SLC16A2: variants seen among roughly 807,000 people sequenced by gnomAD.
SLC16A2 encodes monocarboxylate transporter 8.
A neutral mutation model predicts 27.2 loss-of-function variants in SLC16A2; 3 were observed. The ratio of observed to expected loss-of-function variants is 0.11; its 90% CI spans 0.05 to 0.28. The LOEUF is 0.28. SLC16A2 is among the 10% of genes least tolerant of loss of function. The pLI, the probability that SLC16A2 is intolerant of heterozygous loss-of-function variation, is 1.00. For missense variants in SLC16A2, 295 were observed against 458.5 expected, an observed-to-expected ratio of 0.64 and a Z score of 3.26; for synonymous variants, 202 against 187.8, an observed-to-expected ratio of 1.08 and a Z score of -0.62.
At chrX:74,452,656 A>G (rs1056476201) in intron 1 of SLC16A2, among the ~76,000 whole-genome samples, 3 of 111,463 alleles carry the variant, frequency 2.7e-5, no homozygotes, top group African/African-American at 9.8e-5. Flanking sequence ...TATGTGATGT[A>G]TACATATACA....
intron 1 of SLC16A2, among the ~76,000 whole-genome samples, chrX:74,500,841 T>C (rs1174251826): frequency 1.8e-5 from 2 of 111,027 alleles, no homozygotes; most frequent in East Asian, 5.7e-4. Flanking sequence ...AAGGTTCTTT[T>C]AATAATAGGT....
chrX:74,439,264 T>TCTCCCTTCCTTCCTCC (rs1369200187), intron 1 of SLC16A2, among the ~76,000 whole-genome samples: 5 of 98,820 alleles, frequency 5.1e-5, no homozygotes, highest in Admixed American at 3.4e-4. Flanking sequence ...TCTCTTTCTC[T>TCTCCCTTCCTTCCTCC]CTCCCTTCCT....
intron 1 of SLC16A2, among the ~76,000 whole-genome samples, chrX:74,439,312 T>C (rs1051148422): frequency 1.8e-4 from 18 of 99,432 alleles, no homozygotes; most frequent in Admixed American, 1.7e-3. Context: ...TTTCTTCCTT[T>C]CTTTCTTTTT....
At chrX:74,462,294 C>T (rs1437642328) in intron 1 of SLC16A2, among the ~76,000 whole-genome samples, 1 of 111,749 alleles carries the variant, frequency 8.9e-6, no homozygotes, top group Non-Finnish European at 1.9e-5. Context: ...TAGTGTTTCA[C>T]CCAGAGTTTT....
intron 1 of SLC16A2, chrX:74,477,026 T>C (rs1319430788): frequency 4.5e-5 from 5 of 112,315 alleles, no homozygotes; most frequent in Non-Finnish European, 9.4e-5. Context: ...TCTTTTTCTA[T>C]TGATTGGAAT....
intron 1 of SLC16A2, among the ~76,000 whole-genome samples, chrX:74,505,747 C>G (rs1367709117): frequency 8.9e-6 from 1 of 112,332 alleles, no homozygotes; most frequent in Non-Finnish European, 1.9e-5. Context: ...TAATGTTAAA[C>G]TACAGTGTAG....
In SLC16A2 at chrX:74,432,015, G is replaced by A. The variant is rs767271304; in HGVS notation, c.430+9948G>A. On this transcript the variant is annotated intron_variant, in intron 1 of 5. Coordinates refer to ENST00000587091, the MANE Select transcript of SLC16A2 (RefSeq NM_006517.5). ...CAGTTCTCTGAGAGCCCAGGGAGAG[G>A]AGGGGCCAGATCCTAGGTCATATAC... is the stretch of plus-strand genomic sequence containing the variant. Among the ~76,000 whole-genome samples, 22 of 111,662 alleles carry A rather than the reference G, an allele frequency of 2.0e-4. 1 individual carries two copies. Among genetic ancestry groups the A allele is most frequent in the Middle Eastern group, 4.6e-3 (1 of 216 alleles).
intron 1 of SLC16A2, among the ~76,000 whole-genome samples, chrX:74,504,366 T>G (rs749331455): frequency 1.5e-4 from 17 of 110,735 alleles, no homozygotes; most frequent in Non-Finnish European, 3.0e-4. Flanking sequence ...TTAGAAACTT[T>G]GACCTCCAAC....
intron 1 of SLC16A2, among the ~76,000 whole-genome samples, chrX:74,431,415 A>C (rs1185947190): frequency 1.8e-5 from 2 of 112,053 alleles, no homozygotes; most frequent in African/African-American, 6.5e-5. Context: ...GTGAGAGCTA[A>C]ACATTGACAT....
intron 1 of SLC16A2, among the ~76,000 whole-genome samples, chrX:74,429,559 AG>A (rs1928495380): frequency 9.0e-6 from 1 of 111,430 alleles, no homozygotes; most frequent in African/African-American, 3.3e-5. Context: ...ACATGGCTGA[AG>A]GGGAAAAGAA....
chrX:74,422,205 C>T, intron 1 of SLC16A2, 138 bp downstream of exon 1: 1 of 641,879 alleles, frequency 1.6e-6, no homozygotes, highest in Non-Finnish European at 2.5e-6. Flanking sequence ...TACCCCTTGC[C>T]CCTTGCCCCT....
At chrX:74,509,376 T>C (rs907123248) in intron 1 of SLC16A2, among the ~76,000 whole-genome samples, 4 of 112,037 alleles carry the variant, frequency 3.6e-5, no homozygotes, top group Non-Finnish European at 7.5e-5. Flanking sequence ...GTATTTCTGG[T>C]TTGCTAAGAG....
intron 1 of SLC16A2, among the ~76,000 whole-genome samples, chrX:74,498,400 T>C (rs1445961994): frequency 1.5e-5 from 1 of 67,388 alleles, no homozygotes; most frequent in Non-Finnish European, 4.4e-5. Flanking sequence ...CTGATCCTGT[T>C]AACCCCCCTC....
At chrX:74,470,627 G>C (rs898069208) in intron 1 of SLC16A2, among the ~76,000 whole-genome samples, 4 of 111,786 alleles carry the variant, frequency 3.6e-5, no homozygotes, top group African/African-American at 9.8e-5. Flanking sequence ...TTTCTGGTGA[G>C]GTGTTCATTT....
At chrX:74,531,197 GAGGGAGCTCCTGAGTTA>G in intron 5 of SLC16A2, 119 bp from the exon 6 acceptor site, 1 of 537,573 alleles carries the variant, frequency 1.9e-6, no homozygotes, top group Non-Finnish European at 3.3e-6. Context: ...CCTTGAAGTT[GAGGGAGCTCCTGAGTTA>G]AGGCAATACA....
In SLC16A2 at chrX:74,524,344, G is replaced by T. The variant is rs780296042; in HGVS notation, c.576-15G>T. The T allele has an allele frequency of 3.3e-6, 4 of 1,209,685 alleles. No individual in the cohort carries two copies. The highest frequency in any genetic ancestry group is 1.8e-5 in the South Asian group (1 of 56,920). On this transcript the variant is annotated splice_polypyrimidine_tract_variant and intron_variant, in intron 2 of 5. Coordinates refer to ENST00000587091, the MANE Select transcript of SLC16A2 (RefSeq NM_006517.5). ...GTCAGGCTGCTGAGGACAGCTCTTG[G>T]TATTTCTCCCACAGCTCCCTAAGCC... is the stretch of plus-strand genomic sequence containing the variant.
At chrX:74,514,470 C>T (rs1930284167) in intron 1 of SLC16A2, among the ~76,000 whole-genome samples, 1 of 111,424 alleles carries the variant, frequency 9.0e-6, no homozygotes, top group African/African-American at 3.3e-5. Context: ...CCAACCTCCC[C>T]GCCTCCCATG....
intron 1 of SLC16A2, among the ~76,000 whole-genome samples, chrX:74,474,350 T>C (rs892132800): frequency 8.9e-6 from 1 of 111,939 alleles, no homozygotes; most frequent in Non-Finnish European, 1.9e-5. Flanking sequence ...ATTGTTTTAA[T>C]TTTATTTGAA....
chrX:74,523,182 G>A (rs930698967), intron 2 of SLC16A2, among the ~76,000 whole-genome samples: 5 of 112,568 alleles, frequency 4.4e-5, no homozygotes, highest in East Asian at 2.8e-4. Context: ...AAGAGGAACC[G>A]TTGGCTTAGC....
Sources: allele counts gnomAD v4.1 joint callset (sites outside exome capture counted in the v4.1 genomes callset), GRCh38; gene constraint gnomAD v4.1.1; transcripts MANE v1.5; gene names NCBI Gene and HGNC (gene_info 2026-07-23, HGNC 2026-07-21).